MAST4: variants seen among roughly 807,000 people sequenced by gnomAD.
The protein encoded by MAST4 is microtubule associated serine/threonine kinase family member 4, also known as microtubule-associated serine/threonine-protein kinase 4.
A neutral mutation model predicts 162.7 loss-of-function variants in MAST4; 89 were observed. The observed-to-expected ratio is 0.55, with a 90% confidence interval of 0.46 to 0.65. MAST4 has a LOEUF of 0.65. Among genes scored for constraint, MAST4 ranks in the 30% least tolerant of loss-of-function variants. MAST4 has a pLI of 0.00. For synonymous variants in MAST4, 1,479 were observed against 1,361.1 expected (o/e 1.09, Z -1.91); for missense variants, 3,153 against 3,374.0 (o/e 0.93, Z 1.62).
chr5:67,163,817 G>C lies in MAST4; in HGVS notation c.4638G>C (p.Glu1546Asp). The change falls in exon 29 of 29, where the codon GAG (glutamate) becomes GAC (aspartate). Residue 1546 changes from glutamate (E) to aspartate (D), a missense_variant. Physicochemically the swap from Glu to Asp is conservative, Grantham distance 45. This residue lies in a region of MAST4 where 1,644 missense variants were observed against 1,495.0 expected (regional missense o/e 1.10). Coordinates refer to ENST00000403625, the MANE Select transcript of MAST4 (RefSeq NM_001164664.2). This position sits in a 1 kb window ranked among gnomAD's most constrained non-coding sequence, Gnocchi z 7.0. ...TGAAGAAAGCAGACGGCTTCCCAGA[G>C]AAACAGGAATCCCACCAGAAATCCC... ...VVVKKADGFP[E>D]KQESHQKSHG... 6.2e-7 allele frequency: 1 copy of C among 1,613,150 alleles called. No individual in the cohort carries two copies. The highest frequency in any genetic ancestry group is 8.5e-7 in the Non-Finnish European group (1 of 1,179,512).
chr5:66,668,699 T>C (rs1747422739), intron 1 of MAST4, among the ~76,000 whole-genome samples: 1 of 152,258 alleles, frequency 6.6e-6, no homozygotes, highest in Non-Finnish European at 1.5e-5. Flanking sequence ...TGCTGGAATG[T>C]TAATTCTTGG....
At chr5:66,809,871 G>C (rs1369136481) in intron 3 of MAST4, among the ~76,000 whole-genome samples, 1 of 152,170 alleles carries the variant, frequency 6.6e-6, no homozygotes, top group Non-Finnish European at 1.5e-5. Context: ...GAGTAGCTGG[G>C]ATTACAGGCA....
chr5:66,900,041 G>A, intron 4 of MAST4, 59 bp downstream of exon 4: 1 of 1,190,018 alleles, frequency 8.4e-7, no homozygotes, highest in Non-Finnish European at 1.1e-6. Flanking sequence ...TTTATAGTAT[G>A]ATTCTTCTCT....
chr5:67,012,366 C>T (rs1047247089), intron 4 of MAST4, among the ~76,000 whole-genome samples: 1 of 152,140 alleles, frequency 6.6e-6, no homozygotes, highest in Non-Finnish European at 1.5e-5. Context: ...TGGTGTCTCA[C>T]ACAGATGGAA....
intron 1 of MAST4, among the ~76,000 whole-genome samples, chr5:66,671,578 A>C (rs1164939997): frequency 6.9e-6 from 1 of 144,818 alleles, no homozygotes; most frequent in Non-Finnish European, 1.5e-5. Flanking sequence ...GCTTTTTGGT[A>C]GCCAGTCTAC....
At chr5:66,673,388 G>A (rs4700146) in intron 1 of MAST4, among the ~76,000 whole-genome samples, 115,933 of 151,892 alleles carry the variant, frequency 0.76, 45,440 homozygotes, top group African/African-American at 0.93. Context: ...ATGTTCTAAA[G>A]GTATTTATTG....
At chr5:66,855,412 T>C (rs963137946) in intron 3 of MAST4, among the ~76,000 whole-genome samples, 2 of 152,176 alleles carry the variant, frequency 1.3e-5, no homozygotes, top group African/African-American at 4.8e-5. Context: ...TACTTCTTTA[T>C]AGCAATGGAA....
chr5:67,142,065 G>A (rs1770460629), intron 19 of MAST4, 50 bp from the exon 20 acceptor site: 1 of 1,581,750 alleles, frequency 6.3e-7, no homozygotes, highest in African/African-American at 1.3e-5. Context: ...CCTTTGCTTA[G>A]TGGGGATAGT....
chr5:66,731,395 G>C (rs1751843120), intron 1 of MAST4, among the ~76,000 whole-genome samples: 1 of 152,188 alleles, frequency 6.6e-6, no homozygotes, highest in Admixed American at 6.5e-5. Flanking sequence ...CTAGGTTCAA[G>C]AGCATCCAAT....
intron 2 of MAST4, among the ~76,000 whole-genome samples, chr5:66,788,327 A>C (rs1438629546): frequency 6.6e-6 from 1 of 152,166 alleles, no homozygotes; most frequent in African/African-American, 2.4e-5. Context: ...TTACAAATGC[A>C]CGCGCTTACT....
At chr5:66,622,539 A>T (rs1189447829) in intron 1 of MAST4, among the ~76,000 whole-genome samples, 1 of 151,756 alleles carries the variant, frequency 6.6e-6, no homozygotes, top group African/African-American at 2.4e-5. Flanking sequence ...ATAATAGATT[A>T]AAGAGGCTTG....
intron 1 of MAST4, among the ~76,000 whole-genome samples, chr5:66,728,550 CTA>C (rs1751654041): frequency 6.6e-6 from 1 of 152,028 alleles, no homozygotes; most frequent in African/African-American, 2.4e-5. Flanking sequence ...TGTCTAATGA[CTA>C]AAAAAATTTT....
chr5:66,651,360 CT>C (rs1746207760), intron 1 of MAST4, among the ~76,000 whole-genome samples: 1 of 151,964 alleles, frequency 6.6e-6, no homozygotes, highest in Admixed American at 6.6e-5. Context: ...TTTTTTTATA[CT>C]TTTCCCCCTG....
At chr5:66,893,885 G>A (rs761170330) in intron 3 of MAST4, among the ~76,000 whole-genome samples, 1 of 152,116 alleles carries the variant, frequency 6.6e-6, no homozygotes, top group Admixed American at 6.6e-5. Flanking sequence ...TGGTTCTATG[G>A]TATGAACTTT....
intron 4 of MAST4, among the ~76,000 whole-genome samples, chr5:67,041,409 A>G (rs1756724160): frequency 6.6e-6 from 1 of 152,208 alleles, no homozygotes; most frequent in Admixed American, 6.5e-5. Flanking sequence ...TTGCTGCCCT[A>G]GAACTAACCT....
rs181320455 is a variant in MAST4, at chr5:66,959,200, G to A, written c.674+59218G>A. ...CTCTGTCATCACCGGGACGCTGGCA[G>A]GGAGTGTGTGTCATGGTTACAATAG... is the stretch of plus-strand genomic sequence containing the variant. On this transcript the variant is annotated intron_variant, in intron 4 of 28. Coordinates refer to ENST00000403625, the MANE Select transcript of MAST4 (RefSeq NM_001164664.2). 1,046 of 779,400 alleles carry A rather than the reference G, an allele frequency of 1.3e-3. 4 individuals are homozygous for A. Among genetic ancestry groups the A allele is most frequent in the Non-Finnish European group, 2.0e-3 (818 of 417,834 alleles). The allele number at this position is 779,400 out of a possible 1,614,324, so 48.3% of individuals were successfully genotyped here.
intron 1 of MAST4, among the ~76,000 whole-genome samples, chr5:66,608,112 C>T (rs1743018933): frequency 6.8e-6 from 1 of 147,290 alleles, no homozygotes. Flanking sequence ...CGCTGGAGTG[C>T]AGTGGCACTG....
At chr5:66,768,727 A>G (rs1327641436) in intron 2 of MAST4, among the ~76,000 whole-genome samples, 7 of 152,198 alleles carry the variant, frequency 4.6e-5, no homozygotes, top group African/African-American at 1.4e-4. Flanking sequence ...GATAGTCTCA[A>G]TGTCCATTCT....
At chr5:66,680,731 G>T (rs1293197077) in intron 1 of MAST4, among the ~76,000 whole-genome samples, 5 of 152,110 alleles carry the variant, frequency 3.3e-5, no homozygotes, top group African/African-American at 1.2e-4. Context: ...CCTTCTTTGT[G>T]GTGTCACCCC....
Sources: allele counts gnomAD v4.1 joint callset (sites outside exome capture counted in the v4.1 genomes callset), GRCh38; gene constraint gnomAD v4.1.1; regional missense constraint gnomAD v4.1.1; non-coding constraint Gnocchi (gnomAD v3.1); transcripts MANE v1.5; gene names NCBI Gene and HGNC (gene_info 2026-07-23, HGNC 2026-07-21).